SOX5: variants seen among roughly 807,000 people sequenced by gnomAD.
SOX5 encodes the protein SRY-box transcription factor 5, also known as transcription factor SOX-5.
In SOX5, 9 loss-of-function variants were observed where a neutral mutation model predicts 92.0. The observed-to-expected ratio is 0.10, with a 90% CI of 0.06 to 0.17. The LOEUF is 0.17. Ranked by LOEUF, SOX5 falls within the 10% of genes least tolerant of loss-of-function variation. The probability of loss-of-function intolerance (pLI) is 1.00; values close to 1 mark genes in which losing one functional copy is unlikely to be tolerated. For synonymous variants in SOX5, 344 were observed against 336.3 expected, an observed-to-expected ratio of 1.02 and a Z score of -0.25; for missense variants, 642 against 944.5, an observed-to-expected ratio of 0.68 and a Z score of 4.20.
chr12:24,118,018 CAAAAAAAAAA>C (rs964710930), intron 4 of SOX5, among the ~76,000 whole-genome samples: 6 of 41,822 alleles, frequency 1.4e-4, no homozygotes, highest in Admixed American at 4.7e-4. Context: ...GACTCTCATT[CAAAAAAAAAA>C]AAAAAAAAAA....
intron 1 of SOX5, among the ~76,000 whole-genome samples, chr12:23,904,188 T>C (rs1210222793): frequency 1.3e-5 from 2 of 152,198 alleles, no homozygotes; most frequent in African/African-American, 2.4e-5. Flanking sequence ...AGCCTTTAAA[T>C]AGAAGATTTA....
chr12:23,790,548 TCA>T (rs941547453), intron 3 of SOX5, among the ~76,000 whole-genome samples: 2,373 of 137,324 alleles, frequency 0.017, 22 homozygotes, highest in East Asian at 0.027. Flanking sequence ...TCTCAATCTC[TCA>T]CACACACACA....
At chr12:23,946,437 G>A (rs894294002) in intron 1 of SOX5, among the ~76,000 whole-genome samples, 8 of 151,880 alleles carry the variant, frequency 5.3e-5, no homozygotes, top group Admixed American at 3.9e-4. Flanking sequence ...TAAAAGGAAA[G>A]AAATAGAATA....
At chr12:24,416,491 G>T (rs1324664646) in intron 1 of SOX5, among the ~76,000 whole-genome samples, 1 of 152,184 alleles carries the variant, frequency 6.6e-6, no homozygotes, top group Non-Finnish European at 1.5e-5. Context: ...GTATTCAAAA[G>T]CAAAGACGTG....
chr12:24,006,363 G>T (rs886940042), intron 4 of SOX5, among the ~76,000 whole-genome samples: 4 of 152,144 alleles, frequency 2.6e-5, no homozygotes, highest in Admixed American at 6.5e-5. Flanking sequence ...TCTTCTTGTT[G>T]TCCTTACTTG....
At chr12:23,890,423 G>GACA (rs1231579556) in intron 2 of SOX5, among the ~76,000 whole-genome samples, 2 of 151,908 alleles carry the variant, frequency 1.3e-5, no homozygotes, top group African/African-American at 4.8e-5. Flanking sequence ...TTAAAAAAAT[G>GACA]ACAACTGATT....
chr12:24,074,269 A>ATTT (rs920443695), intron 4 of SOX5, among the ~76,000 whole-genome samples: 2 of 152,060 alleles, frequency 1.3e-5, no homozygotes, highest in Admixed American at 1.3e-4. Context: ...TAAATCCTGC[A>ATTT]TTTTCTCTAG....
chr12:24,289,485 G>T (rs1286034304), intron 2 of SOX5, among the ~76,000 whole-genome samples: 1 of 108,022 alleles, frequency 9.3e-6, no homozygotes. Context: ...ACGGAGTCTC[G>T]CTCTGTCGCC....
intron 4 of SOX5, among the ~76,000 whole-genome samples, chr12:23,743,144 T>C (rs1015237289): frequency 2.6e-5 from 4 of 152,166 alleles, no homozygotes; most frequent in Non-Finnish European, 5.9e-5. Flanking sequence ...TAGTTTATGA[T>C]ATAAAGCTAG....
At chr12:23,872,495 C>G (rs947262272) in intron 2 of SOX5, among the ~76,000 whole-genome samples, 1 of 151,994 alleles carries the variant, frequency 6.6e-6, no homozygotes, top group Non-Finnish European at 1.5e-5. Context: ...AATGTAGTCC[C>G]TCTTATGGTT....
intron 1 of SOX5, among the ~76,000 whole-genome samples, chr12:24,394,389 C>T (rs988993251): frequency 5.3e-5 from 8 of 152,092 alleles, no homozygotes; most frequent in Non-Finnish European, 7.3e-5. Flanking sequence ...GGCTGCTTCC[C>T]AAGACTGATC....
upstream of SOX5, chr12:23,950,969 A>T (rs1945528927): frequency 1.1e-6 from 1 of 884,088 alleles, no homozygotes; most frequent in African/African-American, 1.9e-5. Flanking sequence ...CATTCTTCAC[A>T]CACGCATGCA....
intron 2 of SOX5, among the ~76,000 whole-genome samples, chr12:24,330,367 A>C (rs1951167742): frequency 6.6e-6 from 1 of 152,190 alleles, no homozygotes; most frequent in Non-Finnish European, 1.5e-5. Context: ...AAAGGGGGAA[A>C]AGCTCGTTTG....
intron 1 of SOX5, among the ~76,000 whole-genome samples, chr12:24,474,661 G>C (rs1438021294): frequency 1.3e-5 from 2 of 148,794 alleles, no homozygotes; most frequent in African/African-American, 2.5e-5. Context: ...TCAGTCTCCC[G>C]GGTAGCTGGG....
chr12:24,293,897 T>A (rs1395917245), intron 2 of SOX5, among the ~76,000 whole-genome samples: 1 of 152,224 alleles, frequency 6.6e-6, no homozygotes, highest in Admixed American at 6.5e-5. Flanking sequence ...TTATATCTTT[T>A]GATTGTTCTA....
intron 2 of SOX5, among the ~76,000 whole-genome samples, chr12:24,284,831 T>C (rs937486016): frequency 2.6e-5 from 4 of 152,212 alleles, no homozygotes; most frequent in Non-Finnish European, 4.4e-5. Flanking sequence ...TACCACCTTT[T>C]GAAAATAATC....
At chr12:24,111,822 C>T (rs1407811671) in intron 4 of SOX5, among the ~76,000 whole-genome samples, 2 of 152,186 alleles carry the variant, frequency 1.3e-5, no homozygotes, top group African/African-American at 4.8e-5. Context: ...CAACTTCAAT[C>T]ATTACTCATA....
chr12:24,106,839 T>TAATAATAATAATAAA (rs973341314), intron 4 of SOX5, among the ~76,000 whole-genome samples: 2 of 136,514 alleles, frequency 1.5e-5, no homozygotes, highest in South Asian at 2.3e-4. Context: ...ATAATAATAA[T>TAATAATAATAATAAA]AAATAGAAGC....
At chr12:24,419,160 C>T (rs376260181) in intron 1 of SOX5, among the ~76,000 whole-genome samples, 31 of 152,078 alleles carry the variant, frequency 2.0e-4, no homozygotes, top group African/African-American at 7.5e-4. Flanking sequence ...CTTGCTCTGT[C>T]ACCAAGGCAG....
Sources: allele counts gnomAD v4.1 joint callset (sites outside exome capture counted in the v4.1 genomes callset), GRCh38; gene constraint gnomAD v4.1.1; transcripts MANE v1.5; gene names NCBI Gene and HGNC (gene_info 2026-07-23, HGNC 2026-07-21).